RANBP2: variants seen among roughly 807,000 people sequenced by gnomAD.
RANBP2 encodes E3 SUMO-protein ligase RanBP2.
A neutral mutation model predicts 303.6 loss-of-function variants in RANBP2; 57 were observed. That is an observed-to-expected ratio of 0.19 (90% CI 0.15 to 0.23). RANBP2 has a LOEUF of 0.23. Among genes scored for constraint, RANBP2 ranks in the 10% least tolerant of loss-of-function variants. The pLI is 1.00. For missense variants in RANBP2, 3,138 were observed against 3,780.8 expected (o/e 0.83, Z 4.46); for synonymous variants, 1,167 against 1,301.5 (o/e 0.90, Z 2.23).
the RANBP2 span, among the ~76,000 whole-genome samples, chr2:109,254,143 G>A: frequency 6.6e-6 from 1 of 152,136 alleles, no homozygotes; most frequent in Non-Finnish European, 1.5e-5. Context: ...CTCTAGCAAG[G>A]ACTCTTAGAG....
chr2:109,715,994 T>G, the RANBP2 span, among the ~76,000 whole-genome samples: 1 of 152,184 alleles, frequency 6.6e-6, no homozygotes, highest in Non-Finnish European at 1.5e-5. Context: ...CAGGTCTCAA[T>G]TTAGAAGTTC....
the RANBP2 span, among the ~76,000 whole-genome samples, chr2:109,075,753 A>G: frequency 6.6e-6 from 1 of 150,526 alleles, no homozygotes; most frequent in African/African-American, 2.4e-5. Flanking sequence ...GAAGCATGCA[A>G]CCTACCAAGA....
the RANBP2 span, among the ~76,000 whole-genome samples, chr2:109,249,490 TTTCTTTCTTTCTTTCTTTCA>T: frequency 7.9e-4 from 18 of 22,834 alleles, no homozygotes; most frequent in African/African-American, 5.2e-3. Context: ...TCTTTCTTTC[TTTCTTTCTTTCTTTCTTTCA>T]TTCTTTCTTT....
At chr2:109,352,633 T>TGGGC in the RANBP2 span, among the ~76,000 whole-genome samples, 10 of 152,348 alleles carry the variant, frequency 6.6e-5, no homozygotes, top group East Asian at 5.8e-4. Context: ...GCACCCCGCT[T>TGGGC]GGGCTACTTT....
At chr2:109,215,953 C>T in the RANBP2 span, among the ~76,000 whole-genome samples, 5 of 152,236 alleles carry the variant, frequency 3.3e-5, no homozygotes, top group African/African-American at 1.2e-4. Flanking sequence ...GCCACGTGAG[C>T]TGGGTGCCCA....
downstream of RANBP2, among the ~76,000 whole-genome samples, chr2:108,789,560 C>T (rs1486049747): frequency 2.0e-5 from 3 of 152,192 alleles, no homozygotes; most frequent in Non-Finnish European, 4.4e-5. Context: ...TGCCATTGCA[C>T]TCCAGCCTGG....
intron 4 of RANBP2, among the ~76,000 whole-genome samples, chr2:108,734,398 A>G (rs1695405915): frequency 6.6e-6 from 1 of 152,008 alleles, no homozygotes; most frequent in Non-Finnish European, 1.5e-5. Context: ...TTTAGGCAGC[A>G]CCAGTTTGAT....
At chr2:109,491,019 CTG>C in the RANBP2 span, 5 of 1,296,448 alleles carry the variant, frequency 3.9e-6, no homozygotes, top group Admixed American at 1.3e-4. Context: ...AGCAGGGACA[CTG>C]TGGCCTTGCT....
At chr2:109,237,787 C>G in the RANBP2 span, among the ~76,000 whole-genome samples, 2 of 152,074 alleles carry the variant, frequency 1.3e-5, no homozygotes, top group African/African-American at 4.8e-5. Flanking sequence ...ATCCTGAAAA[C>G]AAACACAAAA....
At chr2:109,231,849 T>TA in the RANBP2 span, among the ~76,000 whole-genome samples, 2 of 152,172 alleles carry the variant, frequency 1.3e-5, no homozygotes, top group Admixed American at 6.5e-5. Flanking sequence ...TATTTGCCAT[T>TA]AAGAAAAACA....
chr2:109,608,805 T>A, the RANBP2 span, among the ~76,000 whole-genome samples: 1 of 152,220 alleles, frequency 6.6e-6, no homozygotes, highest in Non-Finnish European at 1.5e-5. Context: ...TAAAGCATTA[T>A]CTAAATCAAC....
the RANBP2 span, among the ~76,000 whole-genome samples, chr2:109,041,927 T>G: frequency 6.6e-6 from 1 of 152,178 alleles, no homozygotes. Flanking sequence ...GTTAATGTGG[T>G]GAATTACAAT....
the RANBP2 span, among the ~76,000 whole-genome samples, chr2:109,480,539 CA>C: frequency 7.9e-5 from 12 of 152,150 alleles, no homozygotes; most frequent in Non-Finnish European, 7.4e-5. Context: ...ATTAGTGTCT[CA>C]GGGGGCAGCC....
the RANBP2 span, among the ~76,000 whole-genome samples, chr2:109,378,698 T>G: frequency 6.6e-6 from 1 of 152,200 alleles, no homozygotes. Context: ...AAGCCTTTCA[T>G]GTGGGGCTAA....
chr2:109,661,538 G>T, the RANBP2 span, among the ~76,000 whole-genome samples: 2 of 152,156 alleles, frequency 1.3e-5, no homozygotes, highest in Non-Finnish European at 2.9e-5. Context: ...GAGTCACCGT[G>T]CCTGGCCAAG....
intron 14 of RANBP2, 56 bp from the exon 15 acceptor site, chr2:108,753,769 C>A (rs62151254): frequency 0.06 from 97,230 of 1,611,300 alleles, 3,383 homozygotes; most frequent in Non-Finnish European, 0.072. Context: ...CGTGGCCAAG[C>A]TAAAAGTTTT....
chr2:109,084,245 T>G, the RANBP2 span, among the ~76,000 whole-genome samples: 1 of 152,192 alleles, frequency 6.6e-6, no homozygotes, highest in African/African-American at 2.4e-5. Context: ...TTTCTCCAAC[T>G]TCAAGTTAAC....
At chr2:109,058,128 G>A in the RANBP2 span, among the ~76,000 whole-genome samples, 10 of 152,204 alleles carry the variant, frequency 6.6e-5, no homozygotes, top group African/African-American at 1.9e-4. Flanking sequence ...AGTGATGCCC[G>A]TGGGCTCGCA....
chr2:108,777,257 A>G, intron 25 of RANBP2, 26 bp downstream of exon 25: 1 of 1,564,906 alleles, frequency 6.4e-7, no homozygotes, highest in Non-Finnish European at 8.7e-7. Context: ...GAGACTTTTA[A>G]TGACATTGTT....
Sources: allele counts gnomAD v4.1 joint callset (sites outside exome capture counted in the v4.1 genomes callset), GRCh38; gene constraint gnomAD v4.1.1; transcripts MANE v1.5; gene names NCBI Gene and HGNC (gene_info 2026-07-23, HGNC 2026-07-21).